Variants in CPS1 observed in about 807,000 individuals in gnomAD.
CPS1 encodes the protein carbamoyl-phosphate synthase [ammonia], mitochondrial.
A neutral mutation model predicts 174.6 loss-of-function variants in CPS1; 109 were observed. The ratio of observed to expected loss-of-function variants is 0.62; its 90% CI spans 0.53 to 0.73. The LOEUF (loss-of-function observed/expected upper bound fraction) is 0.73. CPS1 is among the 30% of genes least tolerant of loss of function. CPS1 has a pLI of 0.00. For missense variants in CPS1, 1,689 were observed against 1,821.9 expected (o/e 0.93, Z 1.33); for synonymous variants, 637 against 632.0 (o/e 1.01, Z -0.12).
At position 210,676,990 on chromosome 2, in the gene CPS1, T is replaced by C. The variant is rs761612971; in HGVS notation, c.4275-17T>C. 6.2e-7 allele frequency: 1 copy of C among 1,611,362 alleles called. No homozygotes were observed. The highest frequency in any genetic ancestry group is 1.1e-5 in the South Asian group (1 of 91,010). The stretch of plus-strand genomic sequence containing the variant: ...AAATATGCCTTGTTGTCTATAAGTT[T>C]TTGTTTATTTTTCCAGATTGATTAG... On this transcript the variant is annotated splice_polypyrimidine_tract_variant and intron_variant, in intron 36 of 37. Coordinates refer to ENST00000233072, the MANE Select transcript of CPS1 (RefSeq NM_001875.5).
intron 21 of CPS1, among the ~76,000 whole-genome samples, chr2:210,626,330 T>G (rs532153016): frequency 6.8e-4 from 103 of 152,238 alleles, no homozygotes; most frequent in African/African-American, 2.4e-3. Context: ...AATCATCATT[T>G]CTTAGTGATG....
At chr2:210,564,632 T>C (rs1697235079) in intron 1 of CPS1, among the ~76,000 whole-genome samples, 1 of 152,108 alleles carries the variant, frequency 6.6e-6, no homozygotes, top group Admixed American at 6.5e-5. Context: ...CGCCTCGGCC[T>C]CCCAAAGTGC....
At chr2:210,562,870 T>G (rs528844536) in intron 1 of CPS1, among the ~76,000 whole-genome samples, 14 of 46,220 alleles carry the variant, frequency 3.0e-4, no homozygotes, top group African/African-American at 1.5e-3. Context: ...TAAATGGTGT[T>G]TTTTTTTTTT....
chr2:210,541,483 G>A (rs57718949), intron 1 of CPS1, among the ~76,000 whole-genome samples: 10,907 of 152,176 alleles, frequency 0.072, 587 homozygotes, highest in East Asian at 0.24. Context: ...CTCGTTATCG[G>A]CTTTGTCCAG....
chr2:210,511,157 T>A (rs369623521), intron 1 of CPS1, among the ~76,000 whole-genome samples: 3 of 152,186 alleles, frequency 2.0e-5, no homozygotes, highest in Non-Finnish European at 4.4e-5. Context: ...ATAGACTGGA[T>A]TAAGAAAATG....
intron 30 of CPS1, among the ~76,000 whole-genome samples, chr2:210,657,999 C>T (rs1413936593): frequency 6.6e-6 from 1 of 152,210 alleles, no homozygotes; most frequent in African/African-American, 2.4e-5. Context: ...GTGAGGAGCT[C>T]TTGCTCTTTG....
intron 27 of CPS1, 87 bp from the exon 28 acceptor site, chr2:210,650,276 T>A: frequency 9.2e-7 from 1 of 1,087,596 alleles, no homozygotes; most frequent in Non-Finnish European, 1.4e-6. Context: ...CGACTGGAAC[T>A]ATAGGTTGTC....
chr2:210,611,227 T>C (rs974972947), intron 19 of CPS1, among the ~76,000 whole-genome samples: 11 of 151,976 alleles, frequency 7.2e-5, no homozygotes, highest in African/African-American at 2.7e-4. Flanking sequence ...TCATTGAATA[T>C]GTATCTTGTC....
intron 1 of CPS1, among the ~76,000 whole-genome samples, chr2:210,546,095 TA>T (rs1389052514): frequency 6.6e-6 from 1 of 152,062 alleles, no homozygotes; most frequent in African/African-American, 2.4e-5. Context: ...CTTCTAAGAA[TA>T]AAACTGAAAG....
chr2:210,510,708 C>A (rs1390701365), intron 1 of CPS1, among the ~76,000 whole-genome samples: 1 of 152,014 alleles, frequency 6.6e-6, no homozygotes, highest in Non-Finnish European at 1.5e-5. Flanking sequence ...ACCCCATCAA[C>A]AAGTGGGCGA....
At chr2:210,504,782 A>G (rs141764122) in intron 1 of CPS1, among the ~76,000 whole-genome samples, 267 of 152,332 alleles carry the variant, frequency 1.8e-3, no homozygotes, top group Middle Eastern at 3.4e-3. Context: ...ACCTAAGTAC[A>G]TTGTGGCATA....
chr2:210,497,918 A>ATATATATATATATATATATATATATC (rs970136471), intron 1 of CPS1, among the ~76,000 whole-genome samples: 3 of 142,192 alleles, frequency 2.1e-5, no homozygotes, highest in Admixed American at 7.0e-5. Context: ...ATATATATAT[A>ATATATATATATATATATATATATATC]TCTCCAGTAA....
intron 1 of CPS1, among the ~76,000 whole-genome samples, chr2:210,565,241 C>G (rs896666735): frequency 6.6e-6 from 1 of 151,960 alleles, no homozygotes; most frequent in African/African-American, 2.4e-5. Flanking sequence ...AATTTTCTAA[C>G]AAAGGAAACA....
chr2:210,556,789 G>T lies in CPS1; in HGVS notation c.56G>T (p.Gly19Val). The T allele has an allele frequency of 6.2e-7, 1 of 1,613,146 alleles. No individual in the cohort carries two copies. Among genetic ancestry groups the T allele is most frequent in the Non-Finnish European group, 8.5e-7 (1 of 1,179,400 alleles). ...GTGAGGACACTGAAGACTGGTTTTGGCTTTACCAATGTGACTGCACACCAA... is the reference window on the plus strand; with the variant it reads ...GTGAGGACACTGAAGACTGGTTTTGTCTTTACCAATGTGACTGCACACCAA... ...KVVRTLKTGF[G>V]FTNVTAHQKW... The change falls in exon 1 of 38, where the codon GGC (glycine) becomes GTC (valine). Residue 19 changes from glycine (G) to valine (V), a missense_variant. Transcript: ENST00000233072.
upstream of CPS1, among the ~76,000 whole-genome samples, chr2:210,554,145 G>GTATGTA (rs1250640550): frequency 5.5e-5 from 6 of 108,948 alleles, no homozygotes; most frequent in East Asian, 2.5e-4. Context: ...ATATATATAT[G>GTATGTA]TATATATACA....
At chr2:210,598,935 C>T (rs770421754) in intron 13 of CPS1, among the ~76,000 whole-genome samples, 4 of 152,100 alleles carry the variant, frequency 2.6e-5, no homozygotes, top group African/African-American at 9.6e-5. Context: ...CCACATGACA[C>T]ATACTCTAAA....
chr2:210,498,367 C>G (rs1469732416), intron 1 of CPS1, among the ~76,000 whole-genome samples: 1 of 151,978 alleles, frequency 6.6e-6, no homozygotes, highest in Non-Finnish European at 1.5e-5. Context: ...AATCTTTCAC[C>G]TCCTTGGTTA....
At chr2:210,648,673 C>T (rs1226078056) in intron 27 of CPS1, 133 bp downstream of exon 27, 3 of 811,276 alleles carry the variant, frequency 3.7e-6, no homozygotes, top group South Asian at 1.4e-5. Flanking sequence ...CAAACCATCA[C>T]AGCCAGTTTA....
intron 1 of CPS1, among the ~76,000 whole-genome samples, chr2:210,538,797 C>T (rs1391539758): frequency 2.0e-5 from 3 of 151,894 alleles, no homozygotes; most frequent in African/African-American, 4.8e-5. Flanking sequence ...TATATTTTAT[C>T]GAGTTTCAGT....
Sources: allele counts gnomAD v4.1 joint callset (sites outside exome capture counted in the v4.1 genomes callset), GRCh38; gene constraint gnomAD v4.1.1; transcripts MANE v1.5; gene names NCBI Gene and HGNC (gene_info 2026-07-23, HGNC 2026-07-21).